PCDH11X: variants seen among roughly 807,000 people sequenced by gnomAD.
PCDH11X encodes protocadherin-11 X-linked.
In PCDH11X, 18 loss-of-function variants were observed where a neutral mutation model predicts 53.3. The observed-to-expected ratio is 0.34, with a 90% confidence interval of 0.23 to 0.50. PCDH11X has a LOEUF of 0.50. Ranked by LOEUF, PCDH11X falls within the 20% of genes least tolerant of loss-of-function variation. PCDH11X has a pLI of 0.98. For missense variants in PCDH11X, 570 were observed against 1,032.4 expected, an observed-to-expected ratio of 0.55 and a Z score of 6.14; for synonymous variants, 279 against 393.3, an observed-to-expected ratio of 0.71 and a Z score of 3.44.
intron 1 of PCDH11X, among the ~76,000 whole-genome samples, chrX:91,803,716 G>A (rs1172993585): frequency 9.0e-6 from 1 of 111,343 alleles, no homozygotes; most frequent in Non-Finnish European, 1.9e-5. Context: ...ACAGTTCTTG[G>A]CATGTAATAA....
intron 8 of PCDH11X, among the ~76,000 whole-genome samples, chrX:92,334,344 A>G (rs2069565158): frequency 9.0e-6 from 1 of 111,711 alleles, no homozygotes; most frequent in Non-Finnish European, 1.9e-5. Context: ...TTAGTGTAGT[A>G]AACACTGTAC....
chrX:92,614,381 C>A (rs374398249), intron 10 of PCDH11X, among the ~76,000 whole-genome samples: 1 of 104,580 alleles, frequency 9.6e-6, no homozygotes, highest in Non-Finnish European at 2.0e-5. Context: ...CAGGGTGTGA[C>A]TGTAGTGAAT....
chrX:92,403,724 G>T (rs1265855132), intron 9 of PCDH11X, among the ~76,000 whole-genome samples: 1 of 111,189 alleles, frequency 9.0e-6, no homozygotes, highest in Non-Finnish European at 1.9e-5. Context: ...GTTTTTTCAA[G>T]GGCAAGGGAA....
At chrX:92,584,230 A>G (rs762611050) in intron 10 of PCDH11X, among the ~76,000 whole-genome samples, 52 of 110,709 alleles carry the variant, frequency 4.7e-4, no homozygotes, top group South Asian at 1.9e-3. Context: ...AGCTGGAAAA[A>G]TAAGTGCAAA....
At chrX:92,418,737 A>G (rs756834399) in intron 9 of PCDH11X, among the ~76,000 whole-genome samples, 2 of 109,320 alleles carry the variant, frequency 1.8e-5, no homozygotes, top group South Asian at 8.1e-4. Context: ...GACTAAACAC[A>G]CACACCACTA....
chrX:91,836,209 A>G (rs1937294670), intron 5 of PCDH11X, among the ~76,000 whole-genome samples, 165 bp downstream of exon 5: 1 of 110,268 alleles, frequency 9.1e-6, no homozygotes, highest in Non-Finnish European at 1.9e-5. Context: ...AGTTTTTGCA[A>G]TTACAGGTGG....
intron 6 of PCDH11X, among the ~76,000 whole-genome samples, chrX:92,001,479 T>G (rs1290085564): frequency 9.3e-6 from 1 of 107,580 alleles, no homozygotes; most frequent in Non-Finnish European, 1.9e-5. Context: ...TTTCTTTTTT[T>G]TTTTTTGAGA....
chrX:92,277,607 G>A (rs535616410), intron 8 of PCDH11X, among the ~76,000 whole-genome samples: 1 of 108,591 alleles, frequency 9.2e-6, no homozygotes, highest in Middle Eastern at 4.3e-3. Flanking sequence ...AAAAGTGGTT[G>A]GGGCTCAGAG....
chrX:91,944,062 T>TGTG (rs1338001937), intron 6 of PCDH11X, among the ~76,000 whole-genome samples: 6 of 84,759 alleles, frequency 7.1e-5, no homozygotes, highest in African/African-American at 8.1e-5. Flanking sequence ...TGTGTGTGTG[T>TGTG]TCGCTTGCTC....
chrX:92,039,696 T>C (rs2063182114), intron 6 of PCDH11X, among the ~76,000 whole-genome samples: 1 of 111,888 alleles, frequency 8.9e-6, no homozygotes, highest in South Asian at 3.7e-4. Flanking sequence ...GAACCTGCTT[T>C]ATGCTGTACC....
intron 6 of PCDH11X, among the ~76,000 whole-genome samples, chrX:92,083,053 C>T (rs58094479): frequency 0.039 from 4,288 of 110,907 alleles, 205 homozygotes; most frequent in African/African-American, 0.13. Flanking sequence ...ATGACAGACC[C>T]CTAGTTATGG....
chrX:91,933,100 A>G (rs987904517), intron 6 of PCDH11X, among the ~76,000 whole-genome samples: 391 of 105,973 alleles, frequency 3.7e-3, no homozygotes, highest in African/African-American at 0.013. Context: ...GAGTACCACT[A>G]TTTGGATTAT....
rs1293968473 is a variant in PCDH11X, at chrX:91,901,721, A to T, written c.3033+22448A>T. ...TGTGGATGGATATCTTACAAAGATA[A>T]CTAATTAAAATAGGTATCCCAAGAT... On this transcript the variant is annotated intron_variant, in intron 6 of 10. Coordinates refer to ENST00000682573, the MANE Select transcript of PCDH11X (RefSeq NM_032968.5). Among the ~76,000 whole-genome samples, 7 of 112,169 alleles carry T rather than the reference A, an allele frequency of 6.2e-5. No individual in the cohort carries two copies. The Admixed American group carries it at 6.7e-4, about 11-fold the overall frequency.
intron 10 of PCDH11X, among the ~76,000 whole-genome samples, chrX:92,534,280 G>A (rs1333064789): frequency 9.0e-6 from 1 of 110,790 alleles, no homozygotes; most frequent in Non-Finnish European, 1.9e-5. Flanking sequence ...TAGCCAATTC[G>A]ATCAAGTGGA....
intron 5 of PCDH11X, among the ~76,000 whole-genome samples, chrX:91,871,536 A>C (rs1352468812): frequency 2.8e-5 from 3 of 106,668 alleles, no homozygotes; most frequent in Non-Finnish European, 5.8e-5. Context: ...ATAGCTCTAA[A>C]AGTGCTGTGT....
intron 6 of PCDH11X, among the ~76,000 whole-genome samples, chrX:91,931,127 G>GGTGT (rs199653186): frequency 0.028 from 2,739 of 98,831 alleles, 104 homozygotes; most frequent in African/African-American, 0.094. Flanking sequence ...AAGCTTTAGT[G>GGTGT]GTGTGTGTGT....
At chrX:92,480,671 T>C (rs1316953029) in intron 10 of PCDH11X, among the ~76,000 whole-genome samples, 1 of 110,898 alleles carries the variant, frequency 9.0e-6, no homozygotes, top group African/African-American at 3.3e-5. Context: ...GAGACTGGTA[T>C]TGGGCCCTGT....
At chrX:92,191,348 G>C (rs907134969) in intron 6 of PCDH11X, among the ~76,000 whole-genome samples, 1 of 110,548 alleles carries the variant, frequency 9.0e-6, no homozygotes, top group Non-Finnish European at 1.9e-5. Context: ...TTCTCTGTTC[G>C]TCCTTTTGTT....
intron 6 of PCDH11X, chrX:92,113,117 G>GAT (rs1215665806): frequency 3.4e-6 from 2 of 594,629 alleles, no homozygotes; most frequent in African/African-American, 5.4e-5. Context: ...CTCAAAAAGT[G>GAT]ACATTTATTC....
Sources: allele counts gnomAD v4.1 joint callset (sites outside exome capture counted in the v4.1 genomes callset), GRCh38; gene constraint gnomAD v4.1.1; transcripts MANE v1.5; gene names NCBI Gene and HGNC (gene_info 2026-07-23, HGNC 2026-07-21).